ANO3: variants seen among roughly 807,000 people sequenced by gnomAD.
ANO3 encodes anoctamin 3.
ANO3 carries 99 observed loss-of-function variants against 144.8 expected under a neutral mutation model. The observed-to-expected ratio is 0.68, with a 90% CI of 0.58 to 0.81. ANO3 has a LOEUF of 0.81. ANO3 is among the 30% of genes least tolerant of loss of function. The probability of loss-of-function intolerance (pLI) is 0.00; values close to 1 mark genes in which losing one functional copy is unlikely to be tolerated. For synonymous variants in ANO3, 414 were observed against 392.6 expected, an observed-to-expected ratio of 1.05 and a Z score of -0.64; for missense variants, 905 against 1,202.2, an observed-to-expected ratio of 0.75 and a Z score of 3.66.
intron 7 of ANO3, among the ~76,000 whole-genome samples, chr11:26,528,779 T>C (rs1361333922): frequency 6.6e-6 from 1 of 151,976 alleles, no homozygotes; most frequent in African/African-American, 2.4e-5. Context: ...ATGCTAAATT[T>C]AAAAAGCTTG....
At chr11:26,207,037 T>C (rs1042509120) in intron 1 of ANO3, among the ~76,000 whole-genome samples, 8 of 152,014 alleles carry the variant, frequency 5.3e-5, no homozygotes, top group African/African-American at 1.9e-4. Context: ...GTTTCCAAGA[T>C]CTCGGGGAAG....
intron 1 of ANO3, among the ~76,000 whole-genome samples, chr11:26,345,280 C>T (rs2133905121): frequency 6.6e-6 from 1 of 152,298 alleles, no homozygotes; most frequent in East Asian, 1.9e-4. Context: ...CCTTGCTGGA[C>T]ACGGTGGCTT....
chr11:26,412,243 C>T (rs1857452060), intron 1 of ANO3, among the ~76,000 whole-genome samples: 1 of 151,770 alleles, frequency 6.6e-6, no homozygotes, highest in Non-Finnish European at 1.5e-5. Flanking sequence ...TTACAGCCAC[C>T]TGTTAGATGG....
At chr11:26,564,118 T>A (rs891451046) in intron 14 of ANO3, among the ~76,000 whole-genome samples, 21 of 151,532 alleles carry the variant, frequency 1.4e-4, no homozygotes, top group African/African-American at 4.8e-4. Context: ...CTAACTAAAT[T>A]TTTTTTTACA....
chr11:26,243,262 A>C (rs1021935209), intron 1 of ANO3, among the ~76,000 whole-genome samples: 1 of 151,868 alleles, frequency 6.6e-6, no homozygotes, highest in Non-Finnish European at 1.5e-5. Context: ...TTTCTAATCA[A>C]TTATCTTTCT....
At chr11:26,447,441 C>A (rs763624041) in intron 3 of ANO3, among the ~76,000 whole-genome samples, 7 of 152,032 alleles carry the variant, frequency 4.6e-5, no homozygotes, top group Non-Finnish European at 1.0e-4. Context: ...CAATGGAGAG[C>A]TGAGATTTCA....
intron 1 of ANO3, among the ~76,000 whole-genome samples, chr11:26,270,278 G>A (rs1011377878): frequency 6.6e-6 from 1 of 152,050 alleles, no homozygotes; most frequent in African/African-American, 2.4e-5. Flanking sequence ...ACTCCTAAAT[G>A]TCCTGAAGAT....
At chr11:26,476,283 G>T (rs926341124) in intron 4 of ANO3, among the ~76,000 whole-genome samples, 1 of 152,054 alleles carries the variant, frequency 6.6e-6, no homozygotes. Flanking sequence ...CTAAGTGGGT[G>T]CAGGGTAGAA....
At chr11:26,514,122 G>A (rs1199604312) in intron 5 of ANO3, among the ~76,000 whole-genome samples, 1 of 151,422 alleles carries the variant, frequency 6.6e-6, no homozygotes, top group East Asian at 1.9e-4. Flanking sequence ...CCAGTTCAGA[G>A]AAAAACATTT....
chr11:26,461,396 T>C (rs1020783315), intron 3 of ANO3, among the ~76,000 whole-genome samples: 1 of 152,072 alleles, frequency 6.6e-6, no homozygotes, highest in Non-Finnish European at 1.5e-5. Context: ...TATATCTTTG[T>C]GCAAATATTA....
chr11:26,317,466 T>C (rs1189618026), intron 1 of ANO3, among the ~76,000 whole-genome samples: 1 of 151,288 alleles, frequency 6.6e-6, no homozygotes, highest in African/African-American at 2.4e-5. Context: ...GAACAGACAC[T>C]TCTCAAAAGA....
intron 6 of ANO3, among the ~76,000 whole-genome samples, chr11:26,522,111 G>A (rs1862102760): frequency 6.6e-6 from 1 of 152,036 alleles, no homozygotes; most frequent in Non-Finnish European, 1.5e-5. Context: ...GTGAACCCGG[G>A]AGGCTGAGCT....
intron 1 of ANO3, among the ~76,000 whole-genome samples, chr11:26,304,369 G>A (rs1044504570): frequency 1.3e-5 from 2 of 152,062 alleles, no homozygotes; most frequent in African/African-American, 4.8e-5. Flanking sequence ...CTAGTGAGGA[G>A]TACTAATTGC....
intron 14 of ANO3, among the ~76,000 whole-genome samples, chr11:26,562,691 T>C (rs937257779): frequency 2.4e-4 from 36 of 151,892 alleles, no homozygotes; most frequent in African/African-American, 8.2e-4. Context: ...CTGCTGTGTC[T>C]GTATAAACTT....
At position 26,660,278 on chromosome 11, in the gene ANO3, T is replaced by G. The variant is rs376240269; in HGVS notation, c.2780T>G (p.Ile927Ser). The G allele has an allele frequency of 1.3e-5, 21 of 1,612,846 alleles. No homozygotes were observed. The Middle Eastern group carries it at 4.9e-4, about 38-fold the overall frequency. Residue 927 changes from isoleucine (I) to serine (S), a missense_variant, in exon 27 of 27, where the codon ATT becomes AGT. Ile to Ser is a moderately radical substitution (Grantham distance 142, BLOSUM62 -2). This residue lies in a region of ANO3 where 597 missense variants were observed against 865.1 expected (regional missense o/e 0.69). Coordinates refer to ENST00000256737, the MANE Select transcript of ANO3 (RefSeq NM_031418.4). ...AATTTGCAGCACCTTGTTTTTGGGA[T>G]TAAGTCATTCATCGCATACCTGATT... ...IIVFEHLVFG[I>S]KSFIAYLIPD...
intron 13 of ANO3, chr11:26,559,330 A>G (rs750891907): frequency 1.2e-5 from 2 of 169,086 alleles, no homozygotes; most frequent in Admixed American, 5.9e-5. Context: ...CCCCACTCCT[A>G]GAAGTTTTGC....
chr11:26,450,487 A>G (rs1858888593), intron 3 of ANO3, among the ~76,000 whole-genome samples: 1 of 152,196 alleles, frequency 6.6e-6, no homozygotes, highest in Non-Finnish European at 1.5e-5. Context: ...TGTCCTAACC[A>G]CAGAGCAAGC....
chr11:26,313,329 G>A (rs901451020), intron 1 of ANO3, among the ~76,000 whole-genome samples: 2 of 152,118 alleles, frequency 1.3e-5, no homozygotes, highest in Admixed American at 6.6e-5. Context: ...AAAATTAGAA[G>A]AATCAATATT....
At chr11:26,612,030 C>T (rs1852113961) in intron 17 of ANO3, among the ~76,000 whole-genome samples, 1 of 152,012 alleles carries the variant, frequency 6.6e-6, no homozygotes, top group South Asian at 2.1e-4. Context: ...AGACAGCATA[C>T]AGTTGGATAT....
Sources: allele counts gnomAD v4.1 joint callset (sites outside exome capture counted in the v4.1 genomes callset), GRCh38; gene constraint gnomAD v4.1.1; regional missense constraint gnomAD v4.1.1; transcripts MANE v1.5; gene names NCBI Gene and HGNC (gene_info 2026-07-23, HGNC 2026-07-21).